Variants in SYMPK observed in about 807,000 individuals in gnomAD.
SYMPK encodes symplekin.
A neutral mutation model predicts 136.4 loss-of-function variants in SYMPK; 49 were observed. The observed-to-expected ratio is 0.36, with a 90% CI of 0.29 to 0.46. The LOEUF (loss-of-function observed/expected upper bound fraction) is 0.46, where lower values mean the gene tolerates loss of function less well. SYMPK is among the 20% of genes least tolerant of loss of function. The pLI is 1.00. For synonymous variants in SYMPK, 766 were observed against 713.0 expected (o/e 1.07, Z -1.19); for missense variants, 1,365 against 1,690.0 (o/e 0.81, Z 3.37).
At chr19:45,829,297 G>A in intron 13 of SYMPK, 92 bp from the exon 14 acceptor site, 2 of 1,104,308 alleles carry the variant, frequency 1.8e-6, no homozygotes, top group Non-Finnish European at 2.6e-6. Flanking sequence ...CCAGACGCAG[G>A]AACTCTCAGA....
At chr19:45,822,935 G>GC in intron 20 of SYMPK, 89 bp from the exon 21 acceptor site, 1 of 1,093,892 alleles carries the variant, frequency 9.1e-7, no homozygotes, top group Non-Finnish European at 1.4e-6. Flanking sequence ...CTCGCCCTGG[G>GC]GAGCTGAGGG....
chr19:45,822,159 T>C (rs543286487), intron 21 of SYMPK, among the ~76,000 whole-genome samples: 2 of 132,536 alleles, frequency 1.5e-5, no homozygotes, highest in South Asian at 4.9e-4. Flanking sequence ...CACTCTGTCA[T>C]CCAGGCTGGA....
Position 45,837,490 on chromosome 19 carries a change from G to A in SYMPK, c.1242+971C>T, listed in dbSNP as rs375568467. On this transcript the variant is annotated intron_variant, in intron 10 of 26. Transcript: ENST00000245934. Reference sequence around the variant, plus strand: ...AAATTAGCTGGGTGCAGTGGTGGGCGCTGGTAATCCCAGCTATTCGGGAGG... The same window carrying A: ...AAATTAGCTGGGTGCAGTGGTGGGCACTGGTAATCCCAGCTATTCGGGAGG... Among the ~76,000 whole-genome samples the A allele has an allele frequency of 2.0e-5, 3 of 151,904 alleles. No individual in the cohort carries two copies. In the South Asian group the frequency reaches 6.2e-4, roughly 32 times the overall value.
In SYMPK at chr19:45,822,776, C is replaced by T. The variant is rs749650196; in HGVS notation, c.2771G>A (p.Arg924His). 6.2e-7 allele frequency: 1 copy of T among 1,613,878 alleles called. No individual in the cohort carries two copies. Among genetic ancestry groups the T allele is most frequent in the Non-Finnish European group, 8.5e-7 (1 of 1,179,882 alleles). Residue 924 changes from arginine to histidine, a missense_variant, in exon 21 of 27, where the codon CGC (arginine) becomes CAC (histidine). Arg to His is a conservative substitution (Grantham distance 29, BLOSUM62 0). This residue lies in a region of SYMPK where 156 missense variants were observed against 217.8 expected (regional missense o/e 0.72). Coordinates refer to ENST00000245934, the MANE Select transcript of SYMPK (RefSeq NM_004819.3). ...NPIVVKEVFN[R>H]LLGTQHGEGN... ...CCTACCATGCTGGGTGCCCAGCAGGCGGTTGAAGACTTCCTTCACCACGAT... is the reference window on the plus strand; with the variant it reads ...CCTACCATGCTGGGTGCCCAGCAGGTGGTTGAAGACTTCCTTCACCACGAT...
Position 45,815,869 on chromosome 19 carries a change from G to C in SYMPK, c.3669C>G (p.Leu1223=), listed in dbSNP as rs748517238. ...LTEAALLDSS[L]EGPLPKETAA... ...TCCCTACCTTGGGTAGGGGGCCCTC[G>C]AGACTAGAGTCCAACAGCGCGGCCT... The change falls in exon 26 of 27, where the codon CTC becomes CTG. Residue 1223 remains leucine, a synonymous_variant. Coordinates refer to ENST00000245934, the MANE Select transcript of SYMPK (RefSeq NM_004819.3). 6.8e-6 allele frequency: 11 copies of C among 1,611,444 alleles called. No homozygotes were observed. Among genetic ancestry groups the C allele is most frequent in the African/African-American group, 1.3e-5 (1 of 74,630 alleles).
chr19:45,817,417 C>CTCTTTTTTTTTTTTTTTTTTT lies in SYMPK; in HGVS notation c.3082-444_3082-443insAAAAAAAAAAAAAAAAAAAGA, dbSNP rs1568605965. On this transcript the variant is annotated intron_variant, in intron 23 of 26. Coordinates refer to ENST00000245934, the MANE Select transcript of SYMPK (RefSeq NM_004819.3). ...CTGCGGGGTTTGGTTTTTTTGTTCT[C>CTCTTTTTTTTTTTTTTTTTTT]TTTTTTTTTTTTTTTTTTTTTTTTT... Among the ~76,000 whole-genome samples the CTCTTTTTTTTTTTTTTTTTTT allele has an allele frequency of 1.4e-4, 15 of 108,478 alleles. 1 individual carries two copies. Among genetic ancestry groups the CTCTTTTTTTTTTTTTTTTTTT allele is most frequent in the South Asian group, 3.1e-4 (1 of 3,270 alleles). The allele number at this position is 108,478 out of a possible 152,430, so 71.2% of individuals were successfully genotyped here.
intron 1 of SYMPK, among the ~76,000 whole-genome samples, chr19:45,859,953 T>TCAAAAAAAAA (rs1491508236): frequency 1.2e-5 from 1 of 85,652 alleles, no homozygotes; most frequent in African/African-American, 4.6e-5. Flanking sequence ...AGACTCCATC[T>TCAAAAAAAAA]AAAAAAAAAA....
chr19:45,835,944 A>G (rs568086488), intron 10 of SYMPK, among the ~76,000 whole-genome samples: 1 of 151,902 alleles, frequency 6.6e-6, no homozygotes, highest in Non-Finnish European at 1.5e-5. Flanking sequence ...AAAGAAAGAA[A>G]GCAAAAAGAG....
At chr19:45,823,955 CG>C in intron 18 of SYMPK, 80 bp from the exon 19 acceptor site, 1 of 1,107,584 alleles carries the variant, frequency 9.0e-7, no homozygotes, top group Non-Finnish European at 1.3e-6. Flanking sequence ...GGGTGGCTTG[CG>C]GGGCATGCTG....
rs544919039 is a variant in SYMPK, at chr19:45,834,487, C to T, written c.1393+591G>A. Reference sequence around the variant, plus strand: ...AAAAAAAAAAAAGAAAAAGAAATATCGTATATAATTACCTTTGAGCTATGT... The same window carrying T: ...AAAAAAAAAAAAGAAAAAGAAATATTGTATATAATTACCTTTGAGCTATGT... On this transcript the variant is annotated intron_variant, in intron 11 of 26. Transcript: ENST00000245934. Among the ~76,000 whole-genome samples, 542 of 150,676 alleles carry T rather than the reference C, an allele frequency of 3.6e-3. 4 individuals carry two copies. Among genetic ancestry groups the T allele is most frequent in the Non-Finnish European group, 5.4e-3 (366 of 67,676 alleles).
chr19:45,854,163 C>T lies in SYMPK; in HGVS notation c.171+12G>A. On this transcript the variant is annotated intron_variant, in intron 3 of 26. Coordinates refer to ENST00000245934, the MANE Select transcript of SYMPK (RefSeq NM_004819.3). ...TCACCTGCTCAGCCCAGGATGCCCC[C>T]CGGGCCCTCACCTGTTTGAGCACTG... is the stretch of plus-strand genomic sequence containing the variant. The T allele has an allele frequency of 3.7e-6, 6 of 1,614,138 alleles. No individual in the cohort carries two copies. The highest frequency in any genetic ancestry group is 5.1e-6 in the Non-Finnish European group (6 of 1,179,976).
intron 3 of SYMPK, among the ~76,000 whole-genome samples, chr19:45,853,249 C>T (rs529385037): frequency 6.6e-6 from 1 of 152,228 alleles, no homozygotes; most frequent in Non-Finnish European, 1.5e-5. Context: ...AGTCTCTGAA[C>T]TCCAACTGCC....
rs964746608 is a variant in SYMPK at position 45,863,074 on chromosome 19, G to C, written c.-29C>G. On this transcript the variant is annotated 5_prime_UTR_variant, in exon 1 of 27. Transcript: ENST00000245934. ...CCCGCTCACCGCAGCTCTGGCCTCC[G>C]TTCCCCTCGCGCCCCCTCAGCAGTG... The C allele has an allele frequency of 7.5e-6, 3 of 397,762 alleles. No individual in the cohort carries two copies. The highest frequency in any genetic ancestry group is 7.2e-5 in the East Asian group (2 of 27,750). 24.6% of individuals were successfully genotyped at this position (397,762 alleles called of 1,614,324 possible).
At chr19:45,835,549 G>A (rs918647737) in intron 10 of SYMPK, among the ~76,000 whole-genome samples, 11 of 152,120 alleles carry the variant, frequency 7.2e-5, no homozygotes, top group Admixed American at 7.2e-4. Flanking sequence ...AGGTGGGAGG[G>A]GTGTGTATTC....
intron 22 of SYMPK, among the ~76,000 whole-genome samples, chr19:45,818,589 G>A (rs74834638): frequency 0.018 from 2,747 of 152,322 alleles, 75 homozygotes; most frequent in African/African-American, 0.062. Context: ...ACCCAGTCCT[G>A]ACAAGGATAC....
intron 1 of SYMPK, among the ~76,000 whole-genome samples, chr19:45,857,983 G>T (rs1157853003): frequency 6.6e-6 from 1 of 151,696 alleles, no homozygotes; most frequent in East Asian, 1.9e-4. Context: ...ATTTTTAGTA[G>T]AGACGAAGTT....
intron 10 of SYMPK, among the ~76,000 whole-genome samples, chr19:45,836,911 A>C (rs1275166049): frequency 1.3e-5 from 2 of 152,196 alleles, no homozygotes; most frequent in African/African-American, 2.4e-5. Context: ...GAACAGAAAG[A>C]TAATGAAACT....
Position 45,852,391 on chromosome 19 carries a change from A to G in SYMPK, c.226-6T>C. ...GCTTGGAATGCGATGATCTCCTGCC[A>G]ATGTTAGAGAGAAAGTGGATCAGGG... is the stretch of plus-strand genomic sequence containing the variant. On this transcript the variant is annotated splice_region_variant and splice_polypyrimidine_tract_variant and intron_variant, in intron 4 of 26. Transcript: ENST00000245934. The G allele has an allele frequency of 6.2e-7, 1 of 1,614,172 alleles. No homozygotes were observed. The highest frequency in any genetic ancestry group is 8.5e-7 in the Non-Finnish European group (1 of 1,180,032).
At chr19:45,831,801 G>A (rs555564284) in intron 11 of SYMPK, among the ~76,000 whole-genome samples, 6 of 152,282 alleles carry the variant, frequency 3.9e-5, no homozygotes, top group Admixed American at 3.3e-4. Flanking sequence ...GCTGGGGGGA[G>A]CAGCAAATGC....
Sources: allele counts gnomAD v4.1 joint callset (sites outside exome capture counted in the v4.1 genomes callset), GRCh38; gene constraint gnomAD v4.1.1; regional missense constraint gnomAD v4.1.1; transcripts MANE v1.5; gene names NCBI Gene and HGNC (gene_info 2026-07-23, HGNC 2026-07-21).